C2CD5: variants seen among roughly 807,000 people sequenced by gnomAD.
The protein encoded by C2CD5 is C2 domain-containing protein 5.
C2CD5 carries 109 observed loss-of-function variants against 130.3 expected under a neutral mutation model. The observed-to-expected ratio is 0.84, with a 90% CI of 0.72 to 0.98. C2CD5 has a LOEUF of 0.98. Among genes scored for constraint, C2CD5 ranks in the 50% least tolerant of loss-of-function variants. C2CD5 has a pLI of 0.00. For missense variants in C2CD5, 996 were observed against 1,261.8 expected (o/e 0.79, Z 3.19); for synonymous variants, 454 against 429.2 (o/e 1.06, Z -0.71).
At chr12:22,534,903 A>C (rs1158139384) in intron 3 of C2CD5, 1 of 162,938 alleles carries the variant, frequency 6.1e-6, no homozygotes, top group East Asian at 1.8e-4. Flanking sequence ...TACACTTACA[A>C]ATGATTTAAA....
intron 8 of C2CD5, among the ~76,000 whole-genome samples, chr12:22,516,012 A>G (rs547716269): frequency 1.5e-4 from 23 of 151,760 alleles, no homozygotes; most frequent in South Asian, 4.1e-4. Context: ...AAAGAGACCT[A>G]CCAGAAATAC....
chr12:22,469,539 A>G (rs1306946654), intron 22 of C2CD5, among the ~76,000 whole-genome samples, 170 bp downstream of exon 22: 3 of 152,178 alleles, frequency 2.0e-5, no homozygotes, highest in Non-Finnish European at 2.9e-5. Context: ...TTCAGAAATT[A>G]AAATAAAAGG....
intron 10 of C2CD5, among the ~76,000 whole-genome samples, chr12:22,497,106 G>A (rs1947115754): frequency 6.6e-6 from 1 of 152,100 alleles, no homozygotes; most frequent in Admixed American, 6.6e-5. Flanking sequence ...TGGCAATTAA[G>A]AAATACCAAC....
At chr12:22,492,248 A>G (rs1048976007) in intron 11 of C2CD5, among the ~76,000 whole-genome samples, 5 of 152,196 alleles carry the variant, frequency 3.3e-5, no homozygotes, top group Non-Finnish European at 5.9e-5. Context: ...TTTCTAGATG[A>G]TATCAACTGT....
At position 22,472,071 on chromosome 12, in the gene C2CD5, T is replaced by C. The variant is rs756854031; in HGVS notation, c.2170-6A>G. 10 of 1,462,994 alleles carry C rather than the reference T, an allele frequency of 6.8e-6. No homozygotes were observed. The African/African-American group carries it at 1.3e-4, about 18-fold the overall frequency. 90.6% of individuals were successfully genotyped at this position (1,462,994 alleles called of 1,614,324 possible). On this transcript the variant is annotated splice_region_variant and splice_polypyrimidine_tract_variant and intron_variant, in intron 18 of 26. Transcript: ENST00000446597. Reference sequence around the variant, plus strand: ...ACTCTTACTGAAGTGAACATCTAAATGTGGGGTGACATAACATGTCATTTT... The same window carrying C: ...ACTCTTACTGAAGTGAACATCTAAACGTGGGGTGACATAACATGTCATTTT...
At chr12:22,495,737 G>T (rs1946931958) in intron 10 of C2CD5, among the ~76,000 whole-genome samples, 2 of 152,042 alleles carry the variant, frequency 1.3e-5, no homozygotes. Context: ...CATAACATGG[G>T]AGCTAAGGAA....
At position 22,473,999 on chromosome 12, in the gene C2CD5, T is replaced by C. The variant is rs746400178; in HGVS notation, c.2043+752A>G. On this transcript the variant is annotated intron_variant, in intron 16 of 26. Coordinates refer to ENST00000446597, the MANE Select transcript of C2CD5 (RefSeq NM_001286176.2). ...CTTGGTTAGGCCTGTGCGTCTCTCA[T>C]AGATCCTTGTTACAGCCACTGGCAC... 9.9e-5 allele frequency among the ~76,000 whole-genome samples: 15 copies of C among 152,282 alleles called. No individual in the cohort carries two copies. In the East Asian group the frequency reaches 2.5e-3, roughly 25 times the overall value.
intron 13 of C2CD5, among the ~76,000 whole-genome samples, chr12:22,483,665 G>A (rs1945050069): frequency 6.6e-6 from 1 of 151,858 alleles, no homozygotes; most frequent in African/African-American, 2.4e-5. Context: ...GATTCAAGAG[G>A]GAAAAAAATA....
intron 9 of C2CD5, among the ~76,000 whole-genome samples, chr12:22,509,557 T>A: frequency 6.6e-6 from 1 of 152,158 alleles, no homozygotes; most frequent in East Asian, 1.9e-4. Flanking sequence ...CTATAATAAA[T>A]AAAAATGTCA....
In C2CD5 at chr12:22,537,537, C is replaced by A. The variant is rs189222363; in HGVS notation, c.91-2193G>T. The stretch of plus-strand genomic sequence containing the variant: ...TTAATTAAAAGGACATTTTATTACT[C>A]AGCAATTAAATGAATGCCTTATAAC... On this transcript the variant is annotated intron_variant, in intron 2 of 26. Transcript: ENST00000446597. Among the ~76,000 whole-genome samples the A allele has an allele frequency of 3.9e-5, 6 of 152,276 alleles. No individual in the cohort carries two copies. In the East Asian group the frequency reaches 1.2e-3, roughly 29 times the overall value.
intron 9 of C2CD5, among the ~76,000 whole-genome samples, chr12:22,511,702 C>T (rs367703564): frequency 6.6e-6 from 1 of 152,250 alleles, no homozygotes; most frequent in East Asian, 1.9e-4. Flanking sequence ...GTTTTCACTG[C>T]TTAATATTTT....
chr12:22,542,731 AG>A (rs1952516397), intron 2 of C2CD5, among the ~76,000 whole-genome samples: 1 of 152,232 alleles, frequency 6.6e-6, no homozygotes, highest in African/African-American at 2.4e-5. Context: ...CAGGCTGTGG[AG>A]GTTTGCAAGC....
intron 4 of C2CD5, among the ~76,000 whole-genome samples, chr12:22,526,400 A>C (rs1950721173): frequency 1.3e-5 from 2 of 152,220 alleles, no homozygotes; most frequent in South Asian, 4.1e-4. Context: ...TTACAAAGGA[A>C]GAAATTTTTA....
intron 10 of C2CD5, among the ~76,000 whole-genome samples, chr12:22,493,804 T>C (rs1946660565): frequency 6.6e-6 from 1 of 151,988 alleles, no homozygotes; most frequent in South Asian, 2.1e-4. Context: ...AGGCAAAGAT[T>C]TGTCAATGTT....
chr12:22,497,127 G>T (rs568150402), intron 10 of C2CD5, among the ~76,000 whole-genome samples: 58 of 152,092 alleles, frequency 3.8e-4, no homozygotes, highest in Non-Finnish European at 8.1e-4. Flanking sequence ...TACCTGAAAT[G>T]TTAAGTTCAG....
At chr12:22,544,247 G>C in intron 1 of C2CD5, 68 bp from the exon 2 acceptor site, 1 of 1,248,962 alleles carries the variant, frequency 8.0e-7, no homozygotes, top group South Asian at 1.3e-5. Context: ...AGGCGCGCGG[G>C]GTAACTGACA....
At position 22,478,468 on chromosome 12, in the gene C2CD5, C is replaced by T. The variant is rs1944203629; in HGVS notation, c.1747G>A (p.Gly583Ser). 2 of 1,612,348 alleles carry T rather than the reference C, an allele frequency of 1.2e-6. No individual in the cohort carries two copies. Among genetic ancestry groups the T allele is most frequent in the Admixed American group, 1.7e-5 (1 of 59,802 alleles). Residue 583 changes from glycine (G) to serine (S), a missense_variant, in exon 15 of 27, where the codon GGT (glycine) becomes AGT (serine). Physicochemically the swap from Gly to Ser is moderately conservative, Grantham distance 56. This residue lies in a region of C2CD5 where 590 missense variants were observed against 631.4 expected (regional missense o/e 0.93). Coordinates refer to ENST00000446597, the MANE Select transcript of C2CD5 (RefSeq NM_001286176.2). ...NMLMGLASATGVYLAALPTPG... is the reference protein window; with the variant it reads ...NMLMGLASATSVYLAALPTPG... ...GTTGGTAAAGCTGCTAAATACACAC[C>T]TGTGGCAGACTTGTAAAAAATAATG...
chr12:22,509,722 T>C (rs1346023698), intron 9 of C2CD5, among the ~76,000 whole-genome samples: 1 of 152,212 alleles, frequency 6.6e-6, no homozygotes, highest in Non-Finnish European at 1.5e-5. Flanking sequence ...GCTTGTGCTG[T>C]ATAACCTTTC....
chr12:22,511,681 A>G (rs757891658), intron 9 of C2CD5, among the ~76,000 whole-genome samples: 1 of 152,230 alleles, frequency 6.6e-6, no homozygotes, highest in Non-Finnish European at 1.5e-5. Context: ...TATCCAAACT[A>G]ATTCAAAATG....
Sources: gnomAD v4.1 joint callset for allele counts (sites outside exome capture counted in the v4.1 genomes callset) on GRCh38, gnomAD v4.1.1 for gene constraint, gnomAD v4.1.1 regional missense constraint, MANE v1.5 for transcripts, NCBI Gene and HGNC (gene_info 2026-07-23, HGNC 2026-07-21) for gene names.